Variants in CDH18 observed in about 807,000 individuals in gnomAD.
CDH18 encodes cadherin 18.
In CDH18, 31 loss-of-function variants were observed where a neutral mutation model predicts 67.9. The observed-to-expected ratio is 0.46, with a 90% CI of 0.34 to 0.62. CDH18 has a LOEUF of 0.62. Among genes scored for constraint, CDH18 ranks in the 20% least tolerant of loss-of-function variants. CDH18 has a pLI of 0.01. For missense variants in CDH18, 890 were observed against 975.5 expected, an observed-to-expected ratio of 0.91 and a Z score of 1.17; for synonymous variants, 362 against 347.2, an observed-to-expected ratio of 1.04 and a Z score of -0.48.
intron 3 of CDH18, among the ~76,000 whole-genome samples, chr5:19,784,106 A>G (rs565601273): frequency 2.0e-5 from 3 of 152,276 alleles, no homozygotes; most frequent in Admixed American, 6.5e-5. Context: ...CCATGTGCAA[A>G]AAACTGGACA....
intron 1 of CDH18, among the ~76,000 whole-genome samples, chr5:20,307,047 G>A (rs1736529984): frequency 6.6e-6 from 1 of 152,122 alleles, no homozygotes; most frequent in South Asian, 2.1e-4. Context: ...ATATTAAGAA[G>A]ATGTGACAGT....
At chr5:19,528,614 G>A (rs1446917556) in intron 9 of CDH18, among the ~76,000 whole-genome samples, 1 of 151,844 alleles carries the variant, frequency 6.6e-6, no homozygotes, top group African/African-American at 2.4e-5. Flanking sequence ...ATTTGTTGCT[G>A]TTCGGGGTTA....
At chr5:19,697,130 G>A (rs1195188645) in intron 5 of CDH18, among the ~76,000 whole-genome samples, 1 of 152,152 alleles carries the variant, frequency 6.6e-6, no homozygotes, top group African/African-American at 2.4e-5. Flanking sequence ...TTTAATGCTT[G>A]TATTAAGAAA....
At chr5:20,471,572 C>T (rs553912108) in intron 1 of CDH18, among the ~76,000 whole-genome samples, 3 of 151,876 alleles carry the variant, frequency 2.0e-5, no homozygotes, top group South Asian at 2.1e-4. Context: ...GAGGCCGAGG[C>T]GGGAGGATCA....
chr5:20,461,860 A>C (rs562780550), intron 1 of CDH18, among the ~76,000 whole-genome samples: 1 of 152,272 alleles, frequency 6.6e-6, no homozygotes, highest in Non-Finnish European at 1.5e-5. Context: ...CTTTTAGGGT[A>C]TTGCCCAAGA....
At chr5:19,760,937 C>T (rs111658199) in intron 3 of CDH18, among the ~76,000 whole-genome samples, 8,330 of 152,148 alleles carry the variant, frequency 0.055, 762 homozygotes, top group African/African-American at 0.19. Context: ...GAGTGGATGT[C>T]GCCACTACTG....
intron 2 of CDH18, among the ~76,000 whole-genome samples, chr5:20,250,078 AT>A (rs1219711589): frequency 6.6e-6 from 1 of 152,174 alleles, no homozygotes; most frequent in Non-Finnish European, 1.5e-5. Flanking sequence ...AGAATGTTAT[AT>A]TTTACAATGC....
chr5:20,238,228 T>C (rs1308876822), intron 2 of CDH18, among the ~76,000 whole-genome samples: 1 of 151,894 alleles, frequency 6.6e-6, no homozygotes, highest in Non-Finnish European at 1.5e-5. Context: ...ATATATAAGG[T>C]TCAACTTCAA....
intron 1 of CDH18, among the ~76,000 whole-genome samples, chr5:20,275,935 T>C (rs766238012): frequency 7.2e-5 from 11 of 152,126 alleles, no homozygotes; most frequent in Non-Finnish European, 1.0e-4. Flanking sequence ...TCTATCACAG[T>C]GAGTGGCAAC....
chr5:19,996,784 G>T (rs1252324859), intron 2 of CDH18, among the ~76,000 whole-genome samples: 1 of 151,840 alleles, frequency 6.6e-6, no homozygotes, highest in Non-Finnish European at 1.5e-5. Context: ...TTGTCTTAAT[G>T]CTCAGTCAGG....
At chr5:19,631,271 TAC>T (rs1382218345) in intron 5 of CDH18, among the ~76,000 whole-genome samples, 2 of 152,122 alleles carry the variant, frequency 1.3e-5, no homozygotes, top group Admixed American at 6.6e-5. Context: ...TGCAAATTTT[TAC>T]ATATTCTCAG....
chr5:20,240,239 A>G (rs1027322017), intron 2 of CDH18, among the ~76,000 whole-genome samples: 2 of 151,524 alleles, frequency 1.3e-5, no homozygotes, highest in Non-Finnish European at 2.9e-5. Flanking sequence ...TAGACTTAAT[A>G]CATTAGTTTT....
intron 2 of CDH18, among the ~76,000 whole-genome samples, chr5:20,067,385 T>C (rs569288388): frequency 1.5e-4 from 22 of 151,652 alleles, no homozygotes; most frequent in African/African-American, 4.3e-4. Flanking sequence ...TTTTGCTGTA[T>C]GCGCTCATGT....
At chr5:19,954,390 T>C (rs1796066108) in intron 2 of CDH18, among the ~76,000 whole-genome samples, 1 of 151,988 alleles carries the variant, frequency 6.6e-6, no homozygotes, top group African/African-American at 2.4e-5. Flanking sequence ...AAAAAGTATA[T>C]TCAGGACAAA....
chr5:19,705,266 ACTACTACT>A (rs1479856958), intron 5 of CDH18, among the ~76,000 whole-genome samples: 1 of 152,194 alleles, frequency 6.6e-6, no homozygotes, highest in Non-Finnish European at 1.5e-5. Flanking sequence ...CAAAATTCAG[ACTACTACT>A]CCTTACTCCT....
At chr5:19,712,968 G>A (rs1764897853) in intron 5 of CDH18, among the ~76,000 whole-genome samples, 1 of 151,752 alleles carries the variant, frequency 6.6e-6, no homozygotes, top group Non-Finnish European at 1.5e-5. Context: ...CATGAATTAT[G>A]TTTAATCAGG....
chr5:19,599,687 G>A (rs62349557), intron 6 of CDH18, among the ~76,000 whole-genome samples: 1 of 152,122 alleles, frequency 6.6e-6, no homozygotes, highest in African/African-American at 2.4e-5. Context: ...CAGATCACGA[G>A]ATCAAGAGAT....
chr5:20,304,791 C>G (rs980273424), intron 1 of CDH18: 2 of 1,610,768 alleles, frequency 1.2e-6, no homozygotes, highest in African/African-American at 2.7e-5. Flanking sequence ...GGGAAGGAGA[C>G]CGTGTTTCAG....
chr5:19,925,775 G>A (rs1441450563), intron 2 of CDH18, among the ~76,000 whole-genome samples: 3 of 152,034 alleles, frequency 2.0e-5, no homozygotes, highest in African/African-American at 7.2e-5. Flanking sequence ...GGATACTCAC[G>A]ACAATTGAGC....
Sources: gnomAD v4.1 joint callset for allele counts (sites outside exome capture counted in the v4.1 genomes callset) on GRCh38, gnomAD v4.1.1 for gene constraint, MANE v1.5 for transcripts, NCBI Gene and HGNC (gene_info 2026-07-23, HGNC 2026-07-21) for gene names.